HECW2: variants seen among roughly 807,000 people sequenced by gnomAD.
The protein encoded by HECW2 is E3 ubiquitin-protein ligase HECW2.
In HECW2, 61 loss-of-function variants were observed where a neutral mutation model predicts 175.2. That is an observed-to-expected ratio of 0.35 (90% CI 0.28 to 0.43). HECW2 has a LOEUF of 0.43. Among genes scored for constraint, HECW2 ranks in the 20% least tolerant of loss-of-function variants. HECW2 has a pLI of 1.00. For missense variants in HECW2, 1,524 were observed against 2,000.5 expected (o/e 0.76, Z 4.54); for synonymous variants, 671 against 731.0 (o/e 0.92, Z 1.32).
chr2:196,580,601 G>T (rs752627026), intron 1 of HECW2, among the ~76,000 whole-genome samples: 1 of 150,804 alleles, frequency 6.6e-6, no homozygotes, highest in Non-Finnish European at 1.5e-5. Context: ...TAGTCATCAT[G>T]GAAATACAAA....
chr2:196,568,678 C>A (rs1425352373), intron 1 of HECW2, among the ~76,000 whole-genome samples: 1 of 152,172 alleles, frequency 6.6e-6, no homozygotes, highest in Non-Finnish European at 1.5e-5. Flanking sequence ...CAATGTGATA[C>A]TCTTGCAATG....
At chr2:196,422,522 A>G (rs1468096811) in intron 2 of HECW2, among the ~76,000 whole-genome samples, 1 of 152,124 alleles carries the variant, frequency 6.6e-6, no homozygotes, top group Admixed American at 6.6e-5. Context: ...AAAATAAAGA[A>G]GGTGATGAGC....
At chr2:196,202,383 G>C (rs1686891753) in intron 28 of HECW2, among the ~76,000 whole-genome samples, 1 of 152,138 alleles carries the variant, frequency 6.6e-6, no homozygotes, top group South Asian at 2.1e-4. Flanking sequence ...GGGAAGACCA[G>C]AGATTTGCAG....
At chr2:196,271,557 G>A (rs545310374) in intron 16 of HECW2, among the ~76,000 whole-genome samples, 1 of 152,152 alleles carries the variant, frequency 6.6e-6, no homozygotes, top group African/African-American at 2.4e-5. Context: ...CAAAGTGCTA[G>A]GATTACAGGT....
intron 17 of HECW2, among the ~76,000 whole-genome samples, chr2:196,261,772 G>A (rs1689303284): frequency 6.6e-6 from 1 of 152,166 alleles, no homozygotes; most frequent in Non-Finnish European, 1.5e-5. Flanking sequence ...GTAAGCATAA[G>A]AGGTTTATAC....
intron 1 of HECW2, among the ~76,000 whole-genome samples, chr2:196,556,042 C>G (rs1254316530): frequency 6.6e-6 from 1 of 152,186 alleles, no homozygotes; most frequent in South Asian, 2.1e-4. Flanking sequence ...GTCAGTTAAC[C>G]TCAGTAGACA....
intron 13 of HECW2, 108 bp downstream of exon 13, chr2:196,306,380 G>A (rs6729640): frequency 0.61 from 723,634 of 1,176,846 alleles, 226,712 homozygotes; most frequent in East Asian, 0.77. Flanking sequence ...AACACACTAA[G>A]TGCTCTGGAA....
chr2:196,309,345 C>T (rs192332912), intron 10 of HECW2, among the ~76,000 whole-genome samples: 2 of 152,204 alleles, frequency 1.3e-5, no homozygotes, highest in African/African-American at 2.4e-5. Flanking sequence ...AAAAGCACCA[C>T]ACAGACAGCA....
intron 2 of HECW2, among the ~76,000 whole-genome samples, chr2:196,380,776 G>A (rs1694187336): frequency 6.6e-6 from 1 of 152,098 alleles, no homozygotes. Flanking sequence ...AGAGCTTCTG[G>A]TTTTCAGTTA....
rs1220978954 is a variant in HECW2, at chr2:196,222,255, T to C, written c.4102A>G (p.Ile1368Val). The C allele has an allele frequency of 6.2e-7, 1 of 1,613,914 alleles. No homozygotes were observed. The highest frequency in any genetic ancestry group is 2.2e-5 in the East Asian group (1 of 44,876). Residue 1368 changes from isoleucine to valine, a missense_variant, in exon 24 of 29, where the codon ATC becomes GTC. By Grantham distance (29) the Ile-to-Val change is conservative. Around this residue, in one of 11 missense-constraint regions of HECW2, gnomAD observed 134 missense variants for 287.8 expected, o/e 0.47. Transcript: ENST00000644978. Reference protein sequence around the residue: ...QWMKDNDIHDILDLTFTVNEE... With the variant: ...QWMKDNDIHDVLDLTFTVNEE... ...TTCACAGTGAACGTGAGGTCTAGGA[T>C]GTCATGGATATCATTGTCTTTCATC... is the stretch of plus-strand genomic sequence containing the variant.
chr2:196,436,507 T>C (rs770267384), intron 1 of HECW2, among the ~76,000 whole-genome samples: 6 of 151,244 alleles, frequency 4.0e-5, no homozygotes, highest in Non-Finnish European at 7.4e-5. Context: ...GCATTAAGGA[T>C]ACAACAGAGC....
intron 3 of HECW2, among the ~76,000 whole-genome samples, chr2:196,340,080 T>C (rs1297827505): frequency 6.6e-6 from 1 of 151,984 alleles, no homozygotes; most frequent in Non-Finnish European, 1.5e-5. Flanking sequence ...AACCTTTGTT[T>C]GGACTTCTGG....
chr2:196,442,588 A>G (rs1053488737), intron 1 of HECW2, among the ~76,000 whole-genome samples: 1 of 152,228 alleles, frequency 6.6e-6, no homozygotes, highest in Non-Finnish European at 1.5e-5. Flanking sequence ...ACATTATAGC[A>G]TATCTACCTT....
intron 2 of HECW2, among the ~76,000 whole-genome samples, chr2:196,352,759 C>T (rs1210660785): frequency 1.3e-5 from 2 of 152,116 alleles, no homozygotes; most frequent in Non-Finnish European, 2.9e-5. Context: ...ACAATTGGTC[C>T]TAAACTATTT....
intron 1 of HECW2, among the ~76,000 whole-genome samples, chr2:196,472,468 A>T (rs1312899433): frequency 7.2e-6 from 1 of 139,272 alleles, no homozygotes; most frequent in East Asian, 2.1e-4. Context: ...AGCCTGGGTG[A>T]CAGAGACTCC....
chr2:196,245,830 G>A (rs1688624155), intron 19 of HECW2, among the ~76,000 whole-genome samples: 1 of 152,162 alleles, frequency 6.6e-6, no homozygotes, highest in Non-Finnish European at 1.5e-5. Flanking sequence ...AGACTCCTAG[G>A]CAGGGGTTCT....
intron 2 of HECW2, among the ~76,000 whole-genome samples, chr2:196,420,814 G>A (rs1695388442): frequency 6.6e-6 from 1 of 151,902 alleles, no homozygotes; most frequent in Non-Finnish European, 1.5e-5. Flanking sequence ...TGTTATGGAG[G>A]TTTGTTACAT....
intron 28 of HECW2, among the ~76,000 whole-genome samples, chr2:196,206,395 C>T (rs1687068377): frequency 6.6e-6 from 1 of 152,196 alleles, no homozygotes; most frequent in African/African-American, 2.4e-5. Context: ...CAGGAGGTCA[C>T]ATGCTTACCC....
At chr2:196,544,816 A>G (rs1317396490) in intron 1 of HECW2, among the ~76,000 whole-genome samples, 1 of 152,012 alleles carries the variant, frequency 6.6e-6, no homozygotes, top group Non-Finnish European at 1.5e-5. Flanking sequence ...ATTCAACAGT[A>G]AAGAACAGGG....
Sources: gnomAD v4.1 joint callset for allele counts (sites outside exome capture counted in the v4.1 genomes callset) on GRCh38, gnomAD v4.1.1 for gene constraint, gnomAD v4.1.1 regional missense constraint, MANE v1.5 for transcripts, NCBI Gene and HGNC (gene_info 2026-07-23, HGNC 2026-07-21) for gene names.